Variants in YBEY observed in about 807,000 individuals in gnomAD.
YBEY encodes endoribonuclease YbeY.
Under a neutral mutation model 13.5 loss-of-function variants are expected in YBEY, and 15 were observed. That is an observed-to-expected ratio of 1.11 (90% CI 0.75 to 1.72). YBEY has a LOEUF of 1.72. Among genes scored for constraint, YBEY ranks in the 40% most tolerant of loss-of-function variants. YBEY has a pLI of 0.00. For synonymous variants in YBEY, 101 were observed against 83.1 expected, an observed-to-expected ratio of 1.21 and a Z score of -1.17; for missense variants, 244 against 208.4, an observed-to-expected ratio of 1.17 and a Z score of -1.05.
chr21:46,313,083 T>C, the YBEY span: 1 of 985,010 alleles, frequency 1.0e-6, no homozygotes, highest in South Asian at 4.7e-5. Flanking sequence ...GGCAAACTTT[T>C]GCCAAGAGCT....
At chr21:46,306,301 A>T in the YBEY span, among the ~76,000 whole-genome samples, 1 of 151,812 alleles carries the variant, frequency 6.6e-6, no homozygotes, top group African/African-American at 2.4e-5. Context: ...GAGGTTCAAG[A>T]CCATCTGGCC....
At chr21:46,293,715 CCCGGGA>C (rs2081835331) in intron 3 of YBEY, among the ~76,000 whole-genome samples, 1 of 4,112 alleles carries the variant, frequency 2.4e-4, no homozygotes, top group African/African-American at 7.5e-4. Context: ...CTGACCCGTG[CCCGGGA>C]CTCAGTGGAG....
the YBEY span, among the ~76,000 whole-genome samples, chr21:46,309,545 TAACA>T: frequency 6.6e-6 from 1 of 151,842 alleles, no homozygotes; most frequent in African/African-American, 2.4e-5. Context: ...GGTGAATGCA[TAACA>T]AACTGATATA....
chr21:46,306,426 G>T, the YBEY span, among the ~76,000 whole-genome samples: 1 of 152,066 alleles, frequency 6.6e-6, no homozygotes, highest in African/African-American at 2.4e-5. Flanking sequence ...TTCAACCTAG[G>T]AGGCGGAGGT....
the YBEY span, among the ~76,000 whole-genome samples, chr21:46,303,205 G>A: frequency 6.6e-6 from 1 of 151,954 alleles, no homozygotes; most frequent in Non-Finnish European, 1.5e-5. Context: ...CAGTTGTAGT[G>A]GTGCATGCCT....
downstream of YBEY, among the ~76,000 whole-genome samples, chr21:46,298,968 C>T (rs560207588): frequency 4.9e-4 from 75 of 152,076 alleles, 1 homozygote; most frequent in South Asian, 0.015. Context: ...GTAATCTGCC[C>T]GCCTCAGCCT....
chr21:46,287,042 C>T lies in YBEY; in HGVS notation c.129C>T (p.Asp43=). 1 of 1,613,010 alleles carries T rather than the reference C, an allele frequency of 6.2e-7. No individual in the cohort carries two copies. Among genetic ancestry groups the T allele is most frequent in the Non-Finnish European group, 8.5e-7 (1 of 1,179,860 alleles). Residue 43 remains aspartate, a synonymous_variant, in exon 2 of 5, where the codon GAC becomes GAT. Coordinates refer to ENST00000397701, the MANE Select transcript of YBEY (RefSeq NM_001314025.2). ...TTGACCTGGGGATCATCTGTGTTGA[C>T]AACAAGAATATTCAGCACATTAATA... ...QKFDLGIICV[D]NKNIQHINRI...
chr21:46,294,758 CAAA>C (rs200581418), intron 3 of YBEY, among the ~76,000 whole-genome samples: 77,855 of 97,072 alleles, frequency 0.8, 32,043 homozygotes, highest in Non-Finnish European at 0.85. Context: ...AGCTTGATGC[CAAA>C]AAAAAAAAAA....
chr21:46,287,212 T>C, intron 2 of YBEY, 89 bp downstream of exon 2: 1 of 1,299,892 alleles, frequency 7.7e-7, no homozygotes, highest in Non-Finnish European at 1.0e-6. Context: ...TGTTTTTTAA[T>C]TGAGACGGAG....
chr21:46,296,185 T>A lies in YBEY; in HGVS notation c.363T>A (p.Cys121Ter), dbSNP rs1268959862. 1 of 1,613,780 alleles carries A rather than the reference T, an allele frequency of 6.2e-7. No homozygotes were observed. Among genetic ancestry groups the A allele is most frequent in the South Asian group, 1.1e-5 (1 of 91,074 alleles). Residue 121 changes from cysteine to a stop codon, truncating the protein, a stop_gained, in exon 4 of 5, where the codon TGT (cysteine) becomes TGA (stop). Transcript: ENST00000397701. LOFTEE classifies it low-confidence loss of function (END_TRUNC). Reference sequence around the variant, plus strand: ...AGGTGACGGCCACCCACGGACTCTGTCACTTGCTGGGATTCACACACGGCA... The same window carrying A: ...AGGTGACGGCCACCCACGGACTCTGACACTTGCTGGGATTCACACACGGCA... ...VLTVTATHGL[C>*]HLLGFTHGTE... is the part of the protein sequence containing the mutation.
chr21:46,300,819 A>C, downstream of YBEY: 1 of 1,275,148 alleles, frequency 7.8e-7, no homozygotes, highest in Non-Finnish European at 1.0e-6. Context: ...ATGAAAGTTT[A>C]TGTATACTAC....
the YBEY span, among the ~76,000 whole-genome samples, chr21:46,304,079 TGCAGTGG>T: frequency 8.3e-6 from 1 of 121,154 alleles, no homozygotes; most frequent in Non-Finnish European, 1.6e-5. Context: ...CAGGCTGGAG[TGCAGTGG>T]TGCAATCTTG....
chr21:46,297,526 T>C lies in YBEY; in HGVS notation c.409-13T>C. 3 of 1,368,234 alleles carry C rather than the reference T, an allele frequency of 2.2e-6. No homozygotes were observed. Among genetic ancestry groups the C allele is most frequent in the South Asian group, 3.5e-5 (2 of 57,676 alleles). 84.8% of individuals were successfully genotyped at this position (1,368,234 alleles called of 1,614,324 possible). On this transcript the variant is annotated splice_polypyrimidine_tract_variant and intron_variant, in intron 4 of 4. Transcript: ENST00000397701. ...CTTCCCTGGGGAGGGCCAGCGCGCT[T>C]CCTTCCTTCCAGATGTTCCAGAAGG...
At chr21:46,288,281 A>G (rs59691409) in intron 2 of YBEY, among the ~76,000 whole-genome samples, 9,214 of 152,332 alleles carry the variant, frequency 0.06, 710 homozygotes, top group African/African-American at 0.18. Context: ...GGCTTCCCAC[A>G]TTGTAGCAGC....
chr21:46,312,341 A>G, the YBEY span, among the ~76,000 whole-genome samples: 8 of 151,902 alleles, frequency 5.3e-5, no homozygotes, highest in Non-Finnish European at 1.2e-4. Context: ...TTTTTGAGAC[A>G]AAGTCTTGCT....
At chr21:46,298,722 C>G (rs1416355333), downstream of YBEY, among the ~76,000 whole-genome samples, 1 of 151,590 alleles carries the variant, frequency 6.6e-6, no homozygotes, top group African/African-American at 2.4e-5. Flanking sequence ...AGCCACCACG[C>G]CCGGCCTGTT....
chr21:46,291,215 A>C lies in YBEY; in HGVS notation c.211-119A>C, dbSNP rs961460437. ...TCCGTCTCAAAAAAAAAAAAAAAAAAAGTGATTTGGCTCAGAGATAAGTGC... is the reference window on the plus strand; with the variant it reads ...TCCGTCTCAAAAAAAAAAAAAAAAACAGTGATTTGGCTCAGAGATAAGTGC... On this transcript the variant is annotated intron_variant, in intron 2 of 4. Coordinates refer to ENST00000397701, the MANE Select transcript of YBEY (RefSeq NM_001314025.2). 5 of 1,181,172 alleles carry C rather than the reference A, an allele frequency of 4.2e-6. No homozygotes were observed. In the Admixed American group the frequency reaches 1.5e-4, roughly 36 times the overall value. 73.2% of individuals were successfully genotyped at this position (1,181,172 alleles called of 1,614,324 possible). A position where few individuals can be genotyped will look rare whatever the true frequency, so the allele number is the denominator to read the frequency against.
chr21:46,292,559 A>G (rs2081765230), intron 3 of YBEY, among the ~76,000 whole-genome samples: 1 of 149,152 alleles, frequency 6.7e-6, no homozygotes, highest in African/African-American at 2.5e-5. Flanking sequence ...CAGCCACGCA[A>G]GTTAAACTCT....
At chr21:46,303,707 A>C in the YBEY span, among the ~76,000 whole-genome samples, 4 of 41,530 alleles carry the variant, frequency 9.6e-5, no homozygotes, top group Non-Finnish European at 9.1e-5. Flanking sequence ...CACACACACA[A>C]AATATATATA....
Sources: allele counts gnomAD v4.1 joint callset (sites outside exome capture counted in the v4.1 genomes callset), GRCh38; gene constraint gnomAD v4.1.1; transcripts MANE v1.5; gene names NCBI Gene and HGNC (gene_info 2026-07-23, HGNC 2026-07-21).